SNX31: variants seen among roughly 807,000 people sequenced by gnomAD.
SNX31 encodes sorting nexin 31.
SNX31 carries 58 observed loss-of-function variants against 65.4 expected under a neutral mutation model. The ratio of observed to expected loss-of-function variants is 0.89; its 90% confidence interval spans 0.72 to 1.10. SNX31 has a LOEUF of 1.10. Ranked by LOEUF, SNX31 falls within the 50% of genes least tolerant of loss-of-function variation. The probability of loss-of-function intolerance (pLI) is 0.00; values close to 1 mark genes in which losing one functional copy is unlikely to be tolerated. For synonymous variants in SNX31, 181 were observed against 190.1 expected, an observed-to-expected ratio of 0.95 and a Z score of 0.39; for missense variants, 523 against 529.7, an observed-to-expected ratio of 0.99 and a Z score of 0.12.
chr8:100,646,597 A>T (rs535616054), intron 2 of SNX31, among the ~76,000 whole-genome samples: 70 of 152,232 alleles, frequency 4.6e-4, no homozygotes, highest in Non-Finnish European at 9.6e-4. Flanking sequence ...CTACACAGCC[A>T]TCTTGAAATA....
chr8:100,645,406 GGGAGAGGTCACCCAAACTTTCA>G (rs1819552205), intron 2 of SNX31, among the ~76,000 whole-genome samples: 2 of 152,152 alleles, frequency 1.3e-5, no homozygotes, highest in South Asian at 4.1e-4. Flanking sequence ...AGAAATATCT[GGGAGAGGTCACCCAAACTTTCA>G]GCCTCAGACT....
intron 1 of SNX31, among the ~76,000 whole-genome samples, chr8:100,662,356 G>C (rs971718440): frequency 5.3e-5 from 8 of 152,218 alleles, no homozygotes; most frequent in African/African-American, 1.9e-4. Flanking sequence ...CAGGAGTAGG[G>C]AGAGATGGCA....
chr8:100,661,845 G>C (rs1809793579), intron 1 of SNX31, among the ~76,000 whole-genome samples: 1 of 151,672 alleles, frequency 6.6e-6, no homozygotes, highest in East Asian at 1.9e-4. Context: ...TTTTTTTTGA[G>C]ACAGAATCTT....
intron 1 of SNX31, among the ~76,000 whole-genome samples, chr8:100,659,078 G>T (rs1809722650): frequency 6.6e-6 from 1 of 152,128 alleles, no homozygotes; most frequent in Admixed American, 6.5e-5. Context: ...GGGCACAGGG[G>T]CTCATGCCTG....
At chr8:100,580,450 G>T (rs1271470743) in intron 12 of SNX31, among the ~76,000 whole-genome samples, 1 of 152,094 alleles carries the variant, frequency 6.6e-6, no homozygotes, top group Admixed American at 6.6e-5. Flanking sequence ...AACACACCCT[G>T]CTAAAAGACC....
At chr8:100,641,568 ATATATATAT>A (rs1563580567) in intron 2 of SNX31, among the ~76,000 whole-genome samples, 1,661 of 32,480 alleles carry the variant, frequency 0.051, 64 homozygotes, top group East Asian at 0.089. Flanking sequence ...AAAAAAAAAT[ATATATATAT>A]ATATATATAT....
chr8:100,602,672 A>G (rs1215562092), intron 8 of SNX31, among the ~76,000 whole-genome samples: 1 of 152,198 alleles, frequency 6.6e-6, no homozygotes, highest in Non-Finnish European at 1.5e-5. Context: ...CTTGAACACA[A>G]GTGTTGGGAT....
chr8:100,577,220 T>C (rs1292768812), intron 12 of SNX31, 145 bp from the exon 13 acceptor site: 7 of 650,838 alleles, frequency 1.1e-5, no homozygotes, highest in Non-Finnish European at 1.1e-5. Flanking sequence ...CTGCTTGTCA[T>C]CTGTGCATTC....
chr8:100,584,791 C>T (rs1447754959), intron 11 of SNX31, among the ~76,000 whole-genome samples: 6 of 149,924 alleles, frequency 4.0e-5, no homozygotes, highest in Non-Finnish European at 5.9e-5. Flanking sequence ...CTCTGTCACC[C>T]AGGCTGGAGT....
upstream of SNX31, among the ~76,000 whole-genome samples, chr8:100,654,656 C>T (rs1376494512): frequency 6.6e-6 from 1 of 152,230 alleles, no homozygotes; most frequent in Non-Finnish European, 1.5e-5. Flanking sequence ...AAGCACACGT[C>T]CCTTTCAGGG....
chr8:100,641,615 C>T, intron 2 of SNX31, among the ~76,000 whole-genome samples: 1 of 16,800 alleles, frequency 6.0e-5, no homozygotes. Context: ...CACACACACG[C>T]ACACACGCGC....
intron 11 of SNX31, among the ~76,000 whole-genome samples, chr8:100,587,346 T>C (rs1162982220): frequency 6.6e-6 from 1 of 152,184 alleles, no homozygotes; most frequent in Non-Finnish European, 1.5e-5. Context: ...ACTTAAATGA[T>C]GCCACAAGTG....
rs758635969 is a variant in SNX31, at chr8:100,633,606, T to C, written c.256+2291A>G. On this transcript the variant is annotated intron_variant, in intron 3 of 13. Coordinates refer to ENST00000311812, the MANE Select transcript of SNX31 (RefSeq NM_152628.4). ...GTTTAGTAGAGACGGGGTTTTGCCATGTAGGCCGGGCTGGTCTTGAACTCC... is the reference window on the plus strand; with the variant it reads ...GTTTAGTAGAGACGGGGTTTTGCCACGTAGGCCGGGCTGGTCTTGAACTCC... Among the ~76,000 whole-genome samples, 10 of 152,066 alleles carry C rather than the reference T, an allele frequency of 6.6e-5. 1 individual carries two copies. Among genetic ancestry groups the C allele is most frequent in the Non-Finnish European group, 1.3e-4 (9 of 68,016 alleles).
intron 9 of SNX31, among the ~76,000 whole-genome samples, chr8:100,597,060 G>T (rs1815165428): frequency 6.6e-6 from 1 of 152,184 alleles, no homozygotes; most frequent in Non-Finnish European, 1.5e-5. Flanking sequence ...TCCTTCCAGG[G>T]AAGGGACCAT....
rs1298938269 is a variant in SNX31 at position 100,573,228 on chromosome 8, C to T, written c.*637G>A. 6.7e-6 allele frequency: 1 copy of T among 148,972 alleles called. No homozygotes were observed. The highest frequency in any genetic ancestry group is 1.5e-5 in the Non-Finnish European group (1 of 67,968). 9.2% of individuals were successfully genotyped at this position (148,972 alleles called of 1,614,324 possible). ...CTCTAAGGACAGAATAAAATTATAACAATGGTCAAGCAGAGAACAGGGCAG... is the reference window on the plus strand; with the variant it reads ...CTCTAAGGACAGAATAAAATTATAATAATGGTCAAGCAGAGAACAGGGCAG... On this transcript the variant is annotated 3_prime_UTR_variant, in exon 14 of 14. Transcript: ENST00000311812.
intron 5 of SNX31, among the ~76,000 whole-genome samples, chr8:100,616,666 G>A (rs1817232442): frequency 6.6e-6 from 1 of 152,190 alleles, no homozygotes; most frequent in African/African-American, 2.4e-5. Flanking sequence ...ATGAGGGCTG[G>A]AGCTAAGGTC....
upstream of SNX31, chr8:100,649,739 G>A: frequency 4.4e-6 from 2 of 452,902 alleles, no homozygotes; most frequent in Non-Finnish European, 7.8e-6. Flanking sequence ...CTGGTCCCGG[G>A]ATAGGTGGCG....
chr8:100,629,889 C>T lies in SNX31; in HGVS notation c.321+438G>A, dbSNP rs1818301742. ...AATAAAGGTAGGAGTAGAGAATATA[C>T]AAGGAATAGCCAGCATGGCCTGCTT... On this transcript the variant is annotated intron_variant, in intron 4 of 13. Coordinates refer to ENST00000311812, the MANE Select transcript of SNX31 (RefSeq NM_152628.4). The surrounding 1 kb of genome is among the most constrained non-coding windows in gnomAD (Gnocchi z 5.1). 1.3e-5 allele frequency among the ~76,000 whole-genome samples: 2 copies of T among 152,216 alleles called. No individual in the cohort carries two copies. The highest frequency in any genetic ancestry group is 2.9e-5 in the Non-Finnish European group (2 of 68,034).
chr8:100,582,147 C>T (rs1245629201), intron 12 of SNX31, among the ~76,000 whole-genome samples: 5 of 152,162 alleles, frequency 3.3e-5, no homozygotes, highest in Non-Finnish European at 5.9e-5. Flanking sequence ...TTATGGATTT[C>T]GATTCATGTG....
Sources: gnomAD v4.1 joint callset for allele counts (sites outside exome capture counted in the v4.1 genomes callset) on GRCh38, gnomAD v4.1.1 for gene constraint, Gnocchi (gnomAD v3.1) non-coding constraint, MANE v1.5 for transcripts, NCBI Gene and HGNC (gene_info 2026-07-23, HGNC 2026-07-21) for gene names.